Variants in MOK observed in about 807,000 individuals in gnomAD.
MOK encodes the protein MAPK/MAK/MRK overlapping kinase.
MOK carries 59 observed loss-of-function variants against 54.2 expected under a neutral mutation model. The observed-to-expected ratio is 1.09, with a 90% CI of 0.88 to 1.35. MOK has a LOEUF of 1.35. MOK is among the 40% of genes most tolerant of loss of function. The probability of loss-of-function intolerance (pLI) is 0.00; values close to 1 mark genes in which losing one functional copy is unlikely to be tolerated. For missense variants in MOK, 517 were observed against 526.2 expected, an observed-to-expected ratio of 0.98 and a Z score of 0.17; for synonymous variants, 210 against 202.7, an observed-to-expected ratio of 1.04 and a Z score of -0.31.
chr14:102,272,754 T>A (rs1567206027), intron 2 of MOK, among the ~76,000 whole-genome samples: 1 of 152,230 alleles, frequency 6.6e-6, no homozygotes, highest in East Asian at 1.9e-4. Context: ...GAAAGGGAAC[T>A]CTGTCAATTT....
intron 5 of MOK, 25 bp downstream of exon 5, chr14:102,251,892 A>G (rs755218607): frequency 2.6e-6 from 4 of 1,556,778 alleles, no homozygotes; most frequent in Non-Finnish European, 3.5e-6. Flanking sequence ...TTAATTTCAG[A>G]GCTGTCAAAT....
At chr14:102,255,147 G>A (rs1274815947) in intron 4 of MOK, among the ~76,000 whole-genome samples, 4 of 151,958 alleles carry the variant, frequency 2.6e-5, no homozygotes, top group African/African-American at 4.8e-5. Flanking sequence ...GTGAAGCCCC[G>A]TCTCTATAAA....
intron 2 of MOK, among the ~76,000 whole-genome samples, chr14:102,269,189 A>ATT (rs561391144): frequency 2.1e-5 from 3 of 144,110 alleles, no homozygotes; most frequent in Non-Finnish European, 3.1e-5. Context: ...AAATAAGAGA[A>ATT]TTTTTTTTTT....
rs767307961 is a variant in MOK at position 102,232,705 on chromosome 14, C to T, written c.696G>A (p.Ser232=). 1.1e-5 allele frequency: 17 copies of T among 1,611,916 alleles called. No homozygotes were observed. The highest frequency in any genetic ancestry group is 5.0e-5 in the Admixed American group (3 of 59,832). ...AAGGAAAATCAAAATTCATAGCTCT[C>T]GACCTGTATTAAAAACCCAATGATA... The part of the protein sequence containing the change: ...AQKILTKFKQ[S]RAMNFDFPFK... Residue 232 remains serine, a synonymous_variant, in exon 9 of 12, where the codon TCG becomes TCA. Transcript: ENST00000361847. The surrounding 1 kb of genome is among the most constrained non-coding windows in gnomAD (Gnocchi z 5.1).
intron 2 of MOK, among the ~76,000 whole-genome samples, chr14:102,269,698 C>G (rs2068202649): frequency 6.6e-6 from 1 of 152,140 alleles, no homozygotes; most frequent in Non-Finnish European, 1.5e-5. Context: ...GTTTCAAACT[C>G]CTGATCTCAA....
At chr14:102,296,933 T>G (rs990739851) in intron 1 of MOK, among the ~76,000 whole-genome samples, 8 of 151,832 alleles carry the variant, frequency 5.3e-5, no homozygotes, top group Admixed American at 3.3e-4. Context: ...TGGCAGACAC[T>G]TGTAGTCCCA....
At chr14:102,221,094 A>G (rs530020350), downstream of MOK, among the ~76,000 whole-genome samples, 1 of 152,310 alleles carries the variant, frequency 6.6e-6, no homozygotes, top group East Asian at 1.9e-4. The surrounding 1 kb of genome is among the most constrained non-coding windows in gnomAD (Gnocchi z 4.8). Context: ...TTAACACAGG[A>G]CTGGTAGAGA....
At chr14:102,256,707 AT>A (rs2066988975) in intron 4 of MOK, among the ~76,000 whole-genome samples, 1 of 149,242 alleles carries the variant, frequency 6.7e-6, no homozygotes, top group African/African-American at 2.6e-5. Context: ...GGCCCTATGA[AT>A]TTAACTTGAA....
chr14:102,283,486 G>C lies in MOK; in HGVS notation c.114C>G (p.Arg38=), dbSNP rs1249584901. 43 of 1,609,552 alleles carry C rather than the reference G, an allele frequency of 2.7e-5. No individual in the cohort carries two copies. The highest frequency in any genetic ancestry group is 3.7e-5 in the Non-Finnish European group (43 of 1,177,612). The change falls in exon 2 of 12, where the codon CGC becomes CGG. Residue 38 remains arginine, a synonymous_variant. Coordinates refer to ENST00000361847, the MANE Select transcript of MOK (RefSeq NM_014226.3). ...GCATCTCTGTAGCCTACCTTTCAAA[G>C]CGCTGCTTCATTTGTTTACATGCAT... ...NYYACKQMKQ[R]FESIEQVNNL...
chr14:102,304,976 G>A lies in MOK; in HGVS notation c.-8C>T, dbSNP rs1218116261. 8 of 1,600,448 alleles carry A rather than the reference G, an allele frequency of 5.0e-6. No individual in the cohort carries two copies. The highest frequency in any genetic ancestry group is 6.0e-6 in the Non-Finnish European group (7 of 1,173,020). Reference sequence around the variant, plus strand: ...GCCCCACTCACTCTTCATCTTGGATGCGGAAGCCGGTGACAACCCCTTGCC... The same window carrying A: ...GCCCCACTCACTCTTCATCTTGGATACGGAAGCCGGTGACAACCCCTTGCC... On this transcript the variant is annotated 5_prime_UTR_variant, in exon 1 of 12. Coordinates refer to ENST00000361847, the MANE Select transcript of MOK (RefSeq NM_014226.3).
At chr14:102,228,664 A>C (rs1437719116), downstream of MOK, among the ~76,000 whole-genome samples, 2 of 139,496 alleles carry the variant, frequency 1.4e-5, no homozygotes, top group African/African-American at 2.7e-5. Flanking sequence ...GCGCCATTGC[A>C]CTCCAACCTG....
chr14:102,252,941 T>C (rs1017049397), intron 4 of MOK, among the ~76,000 whole-genome samples: 4 of 152,216 alleles, frequency 2.6e-5, no homozygotes, highest in African/African-American at 9.7e-5. Flanking sequence ...GGTTGAAATA[T>C]CTTATTTTTG....
chr14:102,297,174 G>A (rs778003209), intron 1 of MOK, among the ~76,000 whole-genome samples: 20 of 152,040 alleles, frequency 1.3e-4, no homozygotes, highest in South Asian at 2.1e-4. Context: ...TGGCTAACAC[G>A]GTGAAACCCC....
At chr14:102,301,398 C>T (rs984667566) in intron 1 of MOK, among the ~76,000 whole-genome samples, 12 of 152,160 alleles carry the variant, frequency 7.9e-5, no homozygotes, top group African/African-American at 4.8e-5. Context: ...CTGTTGCAAA[C>T]GATGCCAAAT....
rs114396561 is a variant in MOK, at chr14:102,257,254, T to C, written c.284-5259A>G. On this transcript the variant is annotated intron_variant, in intron 4 of 11. Coordinates refer to ENST00000361847, the MANE Select transcript of MOK (RefSeq NM_014226.3). ...GGCAGATGAGAGGAGGGAAGGCATC[T>C]ATTCTGACGGCATGGATCACGGCTG... Among the ~76,000 whole-genome samples the C allele has an allele frequency of 4.6e-3, 699 of 152,160 alleles. 6 individuals carry two copies. Among genetic ancestry groups the C allele is most frequent in the African/African-American group, 0.016 (649 of 41,508 alleles).
intron 1 of MOK, among the ~76,000 whole-genome samples, chr14:102,289,990 C>T (rs920445041): frequency 3.9e-5 from 6 of 151,908 alleles, no homozygotes; most frequent in East Asian, 1.9e-4. Flanking sequence ...ATGGTTAGAA[C>T]GAGACATCCT....
chr14:102,246,332 C>T (rs2066090694), intron 7 of MOK: 2 of 152,096 alleles, frequency 1.3e-5, no homozygotes, highest in South Asian at 4.1e-4. Flanking sequence ...CCTTTTCTTC[C>T]AAGGCTCTCT....
intron 4 of MOK, 83 bp from the exon 5 acceptor site, chr14:102,252,078 T>C (rs2066576121): frequency 7.1e-6 from 6 of 844,892 alleles, no homozygotes; most frequent in Non-Finnish European, 1.1e-5. Flanking sequence ...TATTTTTATT[T>C]AACAATGTGT....
chr14:102,223,011 G>A, downstream of MOK: 1 of 1,127,100 alleles, frequency 8.9e-7, no homozygotes, highest in Non-Finnish European at 1.3e-6. Context: ...CGATAGCCGT[G>A]TGGACGGTGA....
Sources: gnomAD v4.1 joint callset for allele counts (sites outside exome capture counted in the v4.1 genomes callset) on GRCh38, gnomAD v4.1.1 for gene constraint, Gnocchi (gnomAD v3.1) non-coding constraint, MANE v1.5 for transcripts, NCBI Gene and HGNC (gene_info 2026-07-23, HGNC 2026-07-21) for gene names.